Variants in CSMD1 observed in about 807,000 individuals in gnomAD.
CSMD1 encodes CUB and sushi domain-containing protein 1.
In CSMD1, 213 loss-of-function variants were observed where a neutral mutation model predicts 417.5. The ratio of observed to expected loss-of-function variants is 0.51; its 90% confidence interval spans 0.46 to 0.57. CSMD1 has a LOEUF of 0.57. CSMD1 is among the 20% of genes least tolerant of loss of function. CSMD1 has a pLI of 0.00. For synonymous variants in CSMD1, 2,862 were observed against 1,736.8 expected (o/e 1.65, Z -16.11); for missense variants, 6,923 against 4,529.7 (o/e 1.53, Z -15.17).
At chr8:3,927,899 CT>C (rs1325984361) in intron 5 of CSMD1, among the ~76,000 whole-genome samples, 1 of 152,016 alleles carries the variant, frequency 6.6e-6, no homozygotes, top group African/African-American at 2.4e-5. Context: ...CGAAGGTTAC[CT>C]AAAAAATCAT....
intron 11 of CSMD1, among the ~76,000 whole-genome samples, chr8:3,482,039 A>G (rs955464557): frequency 4.6e-5 from 7 of 152,244 alleles, no homozygotes; most frequent in African/African-American, 1.7e-4. Flanking sequence ...ACAAAGAAAT[A>G]CATGAAATAT....
At chr8:3,948,088 C>T (rs1303496805) in intron 5 of CSMD1, among the ~76,000 whole-genome samples, 1 of 152,082 alleles carries the variant, frequency 6.6e-6, no homozygotes, top group African/African-American at 2.4e-5. Context: ...TGCCTTTAAT[C>T]CCAGCTACTC....
At chr8:3,715,382 C>T (rs879943589) in intron 6 of CSMD1, among the ~76,000 whole-genome samples, 1 of 152,172 alleles carries the variant, frequency 6.6e-6, no homozygotes, top group Admixed American at 6.5e-5. Flanking sequence ...CCTGAGCCTC[C>T]AGGTCTGCCC....
chr8:3,630,725 T>C lies in CSMD1; in HGVS notation c.1010-13928A>G, dbSNP rs1796740886. On this transcript the variant is annotated intron_variant, in intron 7 of 69. Coordinates refer to ENST00000635120, the MANE Select transcript of CSMD1 (RefSeq NM_033225.6). ...CTTCCAAGAATTGAGGGAAATGGAG[T>C]TGCCTCTCTGAAGCCACTGAGCCAA... Among the ~76,000 whole-genome samples, 8 of 135,238 alleles carry C rather than the reference T, an allele frequency of 5.9e-5. No homozygotes were observed. In the South Asian group the frequency reaches 2.0e-3, roughly 34 times the overall value. The allele number at this position is 135,238 out of a possible 152,430, so 88.7% of individuals were successfully genotyped here. A position where few individuals can be genotyped will look rare whatever the true frequency, so the allele number is the denominator to read the frequency against.
chr8:3,018,774 A>C, intron 51 of CSMD1, 124 bp from the exon 52 acceptor site: 1 of 864,590 alleles, frequency 1.2e-6, no homozygotes, highest in Non-Finnish European at 1.7e-6. Flanking sequence ...ATTTTCACTA[A>C]GAACATGGTT....
intron 2 of CSMD1, among the ~76,000 whole-genome samples, chr8:4,456,955 C>T (rs1196641495): frequency 1.5e-5 from 2 of 132,322 alleles, no homozygotes; most frequent in African/African-American, 5.7e-5. Context: ...CTCTGATTTA[C>T]AAGAGATTTT....
At chr8:3,973,205 T>G (rs148155481) in intron 5 of CSMD1, among the ~76,000 whole-genome samples, 28 of 152,326 alleles carry the variant, frequency 1.8e-4, no homozygotes, top group African/African-American at 6.7e-4. Flanking sequence ...TGGTGCTGCA[T>G]GCAGCTGTGC....
chr8:4,031,167 C>G (rs570316243), intron 4 of CSMD1, among the ~76,000 whole-genome samples: 1 of 152,228 alleles, frequency 6.6e-6, no homozygotes, highest in East Asian at 1.9e-4. Context: ...AAAGTCGCTT[C>G]CACATCTTTT....
chr8:3,940,497 CTGTG>C (rs34005059), intron 5 of CSMD1, among the ~76,000 whole-genome samples: 6,737 of 144,936 alleles, frequency 0.046, 416 homozygotes, highest in African/African-American at 0.14. Flanking sequence ...ATTATTTCCT[CTGTG>C]TGTGTGTGTG....
chr8:4,690,646 T>C (rs1163364602), intron 1 of CSMD1, among the ~76,000 whole-genome samples: 8 of 152,224 alleles, frequency 5.3e-5, no homozygotes, highest in Non-Finnish European at 1.2e-4. Context: ...ACAATCCTTT[T>C]GTGAAATAAT....
chr8:3,646,008 T>C (rs1797553290), intron 7 of CSMD1, among the ~76,000 whole-genome samples: 1 of 152,002 alleles, frequency 6.6e-6, no homozygotes, highest in Non-Finnish European at 1.5e-5. Flanking sequence ...GCAATTTCTG[T>C]TATAGCATTA....
intron 2 of CSMD1, among the ~76,000 whole-genome samples, chr8:4,633,072 C>A (rs1356162549): frequency 6.6e-6 from 1 of 152,100 alleles, no homozygotes; most frequent in Non-Finnish European, 1.5e-5. Flanking sequence ...GCTAGGACAG[C>A]AGCAGATGTG....
chr8:3,959,729 C>G (rs967874073), intron 5 of CSMD1, among the ~76,000 whole-genome samples: 2 of 152,166 alleles, frequency 1.3e-5, no homozygotes, highest in African/African-American at 4.8e-5. Context: ...TGTTTTGAAA[C>G]TGCAGCGGGA....
intron 3 of CSMD1, among the ~76,000 whole-genome samples, chr8:4,200,672 G>A (rs753966324): frequency 1.1e-4 from 17 of 152,198 alleles, no homozygotes; most frequent in Non-Finnish European, 1.9e-4. Context: ...CCTGGGCAAG[G>A]TAGGAAGACC....
At chr8:4,639,922 A>T (rs1427648547) in intron 1 of CSMD1, among the ~76,000 whole-genome samples, 1 of 152,206 alleles carries the variant, frequency 6.6e-6, no homozygotes, top group African/African-American at 2.4e-5. Flanking sequence ...ACAAGTAAAT[A>T]TTAAAGCTGT....
chr8:4,606,069 C>T (rs780594205), intron 2 of CSMD1, among the ~76,000 whole-genome samples: 5 of 152,026 alleles, frequency 3.3e-5, no homozygotes, highest in Non-Finnish European at 7.4e-5. Context: ...GAGAAGGATG[C>T]GGTGGTGGGA....
intron 26 of CSMD1, among the ~76,000 whole-genome samples, chr8:3,238,987 A>G (rs4472538): frequency 0.078 from 11,944 of 152,174 alleles, 666 homozygotes; most frequent in Admixed American, 0.16. Flanking sequence ...TTTGGGGCAC[A>G]GTCAAAGTTG....
chr8:4,606,772 A>G (rs968721986), intron 2 of CSMD1, among the ~76,000 whole-genome samples: 1 of 152,224 alleles, frequency 6.6e-6, no homozygotes, highest in Non-Finnish European at 1.5e-5. Flanking sequence ...GTAAATTTTC[A>G]AATTGACATA....
At chr8:4,278,150 A>G (rs984308273) in intron 3 of CSMD1, among the ~76,000 whole-genome samples, 1 of 152,190 alleles carries the variant, frequency 6.6e-6, no homozygotes, top group African/African-American at 2.4e-5. Flanking sequence ...AAAGAGAAGA[A>G]TCTATTCTTG....
Sources: gnomAD v4.1 joint callset for allele counts (sites outside exome capture counted in the v4.1 genomes callset) on GRCh38, gnomAD v4.1.1 for gene constraint, MANE v1.5 for transcripts, NCBI Gene and HGNC (gene_info 2026-07-23, HGNC 2026-07-21) for gene names.